The following EPHA7 variants were observed in gnomAD, a reference collection of about 807,000 sequenced individuals.
EPHA7 encodes EPH receptor A7, also known as ephrin type-A receptor 7.
In EPHA7, 25 loss-of-function variants were observed where a neutral mutation model predicts 112.6. That is an observed-to-expected ratio of 0.22 (90% CI 0.16 to 0.31). The LOEUF is 0.31. EPHA7 is among the 10% of genes least tolerant of loss of function. The probability of loss-of-function intolerance (pLI) is 1.00; values close to 1 mark genes in which losing one functional copy is unlikely to be tolerated. For missense variants in EPHA7, 962 were observed against 1,212.6 expected (o/e 0.79, Z 3.07); for synonymous variants, 437 against 406.5 (o/e 1.07, Z -0.90).
chr6:93,394,742 A>ATGAT (rs1191737865), intron 3 of EPHA7, among the ~76,000 whole-genome samples: 6 of 151,868 alleles, frequency 4.0e-5, no homozygotes, highest in African/African-American at 1.2e-4. Flanking sequence ...CAGTTCAAAC[A>ATGAT]TGATTGATGT....
chr6:93,346,843 G>A (rs897669055), intron 5 of EPHA7, among the ~76,000 whole-genome samples: 14 of 151,490 alleles, frequency 9.2e-5, no homozygotes, highest in Non-Finnish European at 1.8e-4. Flanking sequence ...TTTAGTAGAT[G>A]AATATTCAGC....
rs537029158 is a variant in EPHA7, at chr6:93,360,198, C to T, written c.833-1787G>A. 5.9e-5 allele frequency among the ~76,000 whole-genome samples: 9 copies of T among 152,002 alleles called. No homozygotes were observed. The South Asian group carries it at 1.9e-3, about 32-fold the overall frequency. ...CTTAAAATGTTTCTAAATATATGAT[C>T]TTGTCACATTAAAAAATATGGTTAA... On this transcript the variant is annotated intron_variant, in intron 3 of 16. Coordinates refer to ENST00000369303, the MANE Select transcript of EPHA7 (RefSeq NM_004440.4).
intron 3 of EPHA7, among the ~76,000 whole-genome samples, chr6:93,386,162 CAA>C (rs1367762071): frequency 6.6e-6 from 1 of 152,142 alleles, no homozygotes; most frequent in Non-Finnish European, 1.5e-5. Flanking sequence ...AACAGTTCCC[CAA>C]AGACTTAACT....
At chr6:93,272,934 T>C (rs1321897910) in intron 5 of EPHA7, among the ~76,000 whole-genome samples, 2 of 151,898 alleles carry the variant, frequency 1.3e-5, no homozygotes, top group Admixed American at 1.3e-4. Context: ...CCCAAAGAAT[T>C]CCAAACAACT....
chr6:93,311,320 C>T (rs1294755781), intron 5 of EPHA7, among the ~76,000 whole-genome samples: 10 of 151,848 alleles, frequency 6.6e-5, no homozygotes, highest in African/African-American at 2.4e-4. Context: ...TCAACCTTCT[C>T]AAACCTTGCC....
At chr6:93,335,239 G>A (rs1774806901) in intron 5 of EPHA7, among the ~76,000 whole-genome samples, 1 of 151,954 alleles carries the variant, frequency 6.6e-6, no homozygotes, top group Non-Finnish European at 1.5e-5. Context: ...AAAAATGGGA[G>A]ATATTCAAGA....
chr6:93,269,546 C>A lies in EPHA7; in HGVS notation c.1564G>T (p.Gly522Cys). Residue 522 changes from glycine to cysteine, a missense_variant, in exon 7 of 17, where the codon GGT (glycine) becomes TGT (cysteine). Around this residue, in one of 3 missense-constraint regions of EPHA7, gnomAD observed 746 missense variants for 889.2 expected, o/e 0.84. Transcript: ENST00000369303. Reference protein sequence around the residue: ...VFQIRAFTAAGYGNYSPRLDV... With the variant: ...VFQIRAFTAACYGNYSPRLDV... ...AGTCTGGGACTGTAATTTCCATAAC[C>A]AGCAGCAGTAAAAGCCCGAATCTGG... 1 of 1,610,984 alleles carries A rather than the reference C, an allele frequency of 6.2e-7. No individual in the cohort carries two copies. The highest frequency in any genetic ancestry group is 8.5e-7 in the Non-Finnish European group (1 of 1,178,178).
At chr6:93,254,869 A>T (rs1223127703) in intron 13 of EPHA7, 73 bp from the exon 14 acceptor site, 18 of 1,288,270 alleles carry the variant, frequency 1.4e-5, no homozygotes, top group Non-Finnish European at 1.9e-5. Flanking sequence ...TACCATAAAT[A>T]CATATGTGCA....
chr6:93,357,930 G>C (rs976755003), intron 4 of EPHA7, among the ~76,000 whole-genome samples: 8 of 152,024 alleles, frequency 5.3e-5, no homozygotes, highest in African/African-American at 9.7e-5. Flanking sequence ...AAAGTGCTGG[G>C]ATTACAGGCA....
chr6:93,408,749 G>C (rs1390752968), intron 3 of EPHA7, among the ~76,000 whole-genome samples: 1 of 151,970 alleles, frequency 6.6e-6, no homozygotes, highest in Non-Finnish European at 1.5e-5. Context: ...TCTTTGAATA[G>C]GACAGAAAAA....
rs1291721898 is a variant in EPHA7 at position 93,241,888 on chromosome 6, A to G, written c.*1538T>C. The G allele has an allele frequency of 4.6e-6, 1 of 217,442 alleles. No homozygotes were observed. Among genetic ancestry groups the G allele is most frequent in the Non-Finnish European group, 9.2e-6 (1 of 108,386 alleles). The allele number at this position is 217,442 out of a possible 1,614,324, so 13.5% of individuals were successfully genotyped here. On this transcript the variant is annotated 3_prime_UTR_variant, in exon 17 of 17. Coordinates refer to ENST00000369303, the MANE Select transcript of EPHA7 (RefSeq NM_004440.4). ...AACATTTACAGATTTTGTTTCTGTT[A>G]TTTGTTTGTTTGTTTGTGGATGCCC...
At chr6:93,270,643 C>A (rs772195631) in intron 6 of EPHA7, among the ~76,000 whole-genome samples, 1 of 151,520 alleles carries the variant, frequency 6.6e-6, no homozygotes, top group Non-Finnish European at 1.5e-5. Context: ...CTTAAAATGT[C>A]AATCAAGTTG....
intron 3 of EPHA7, among the ~76,000 whole-genome samples, chr6:93,400,613 C>A (rs1450479709): frequency 6.6e-6 from 1 of 152,090 alleles, no homozygotes; most frequent in Non-Finnish European, 1.5e-5. Flanking sequence ...TCACTGCTCA[C>A]TGTGACCTCA....
intron 5 of EPHA7, among the ~76,000 whole-genome samples, chr6:93,347,107 A>G (rs1005314799): frequency 2.0e-5 from 3 of 151,836 alleles, no homozygotes; most frequent in Admixed American, 1.3e-4. Context: ...ACAAATTTGT[A>G]TCTCCAAAAT....
At chr6:93,366,377 G>A (rs1776511133) in intron 3 of EPHA7, among the ~76,000 whole-genome samples, 1 of 152,158 alleles carries the variant, frequency 6.6e-6, no homozygotes, top group Non-Finnish European at 1.5e-5. Context: ...ACGTGCTACA[G>A]ACATAGTAGT....
At chr6:93,297,739 G>C (rs922675217) in intron 5 of EPHA7, among the ~76,000 whole-genome samples, 3 of 151,976 alleles carry the variant, frequency 2.0e-5, no homozygotes, top group Admixed American at 6.6e-5. Context: ...CTAAAAACAG[G>C]AACTCAGTAA....
intron 3 of EPHA7, among the ~76,000 whole-genome samples, chr6:93,392,469 T>C (rs1777959127): frequency 6.6e-6 from 1 of 152,038 alleles, no homozygotes; most frequent in Admixed American, 6.6e-5. Context: ...GCAAATTCCA[T>C]GGCTCTCAGT....
In EPHA7 at chr6:93,283,028, G is replaced by A. The variant is rs180710221; in HGVS notation, c.1325-10606C>T. ...GGGACTGGCAGGCAGCTCCACCTGC[G>A]GCCCCGGTGCGGGATCCATTGGGTG... On this transcript the variant is annotated intron_variant, in intron 5 of 16. Transcript: ENST00000369303. 3.3e-4 allele frequency among the ~76,000 whole-genome samples: 51 copies of A among 152,302 alleles called. No individual in the cohort carries two copies. The East Asian group carries it at 8.7e-3, about 26-fold the overall frequency.
At chr6:93,368,500 G>T (rs1000552083) in intron 3 of EPHA7, among the ~76,000 whole-genome samples, 1 of 152,024 alleles carries the variant, frequency 6.6e-6, no homozygotes, top group African/African-American at 2.4e-5. Flanking sequence ...ATTCTATAAG[G>T]TCAGGTTACT....
Sources: gnomAD v4.1 joint callset for allele counts (sites outside exome capture counted in the v4.1 genomes callset) on GRCh38, gnomAD v4.1.1 for gene constraint, gnomAD v4.1.1 regional missense constraint, MANE v1.5 for transcripts, NCBI Gene and HGNC (gene_info 2026-07-23, HGNC 2026-07-21) for gene names.